The following PTPN9 variants were observed in gnomAD, a reference collection of about 807,000 sequenced individuals.
The protein encoded by PTPN9 is protein tyrosine phosphatase non-receptor type 9, also known as tyrosine-protein phosphatase non-receptor type 9.
A neutral mutation model predicts 69.8 loss-of-function variants in PTPN9; 26 were observed. The ratio of observed to expected loss-of-function variants is 0.37; its 90% confidence interval spans 0.27 to 0.52. PTPN9 has a LOEUF of 0.52. PTPN9 is among the 20% of genes least tolerant of loss of function. PTPN9 has a pLI of 0.91. For synonymous variants in PTPN9, 274 were observed against 272.5 expected, an observed-to-expected ratio of 1.01 and a Z score of -0.05; for missense variants, 549 against 740.3, an observed-to-expected ratio of 0.74 and a Z score of 3.00.
chr15:75,498,996 T>C (rs1245660740), intron 7 of PTPN9, among the ~76,000 whole-genome samples: 1 of 152,178 alleles, frequency 6.6e-6, no homozygotes, highest in Non-Finnish European at 1.5e-5. Flanking sequence ...TTTTGGAAGA[T>C]GTTATCATGG....
At chr15:75,511,449 T>C (rs1341130439) in intron 5 of PTPN9, among the ~76,000 whole-genome samples, 1 of 152,192 alleles carries the variant, frequency 6.6e-6, no homozygotes, top group Non-Finnish European at 1.5e-5. Context: ...TTTCATCGTG[T>C]TGCCCAGGCT....
chr15:75,550,014 C>A (rs2075050457), intron 1 of PTPN9, among the ~76,000 whole-genome samples: 1 of 151,586 alleles, frequency 6.6e-6, no homozygotes, highest in Non-Finnish European at 1.5e-5. Context: ...TTGATAAACT[C>A]CTTTTTCCGT....
chr15:75,498,076 A>G (rs981905067), intron 7 of PTPN9, among the ~76,000 whole-genome samples: 1 of 151,348 alleles, frequency 6.6e-6, no homozygotes, highest in African/African-American at 2.4e-5. Flanking sequence ...GGCACCTGTA[A>G]TCCCAGCTAC....
At chr15:75,476,270 A>C (rs531313645) in intron 9 of PTPN9, among the ~76,000 whole-genome samples, 1 of 152,358 alleles carries the variant, frequency 6.6e-6, no homozygotes, top group African/African-American at 2.4e-5. Context: ...CCATTAAATG[A>C]AACAAGAGAT....
rs1337267585 is a variant in PTPN9, at chr15:75,466,882, G to C, written c.*1887C>G. 1 of 152,256 alleles carries C rather than the reference G, an allele frequency of 6.6e-6. No homozygotes were observed. 9.4% of individuals were successfully genotyped at this position (152,256 alleles called of 1,614,324 possible). A position where few individuals can be genotyped will look rare whatever the true frequency, so the allele number is the denominator to read the frequency against. On this transcript the variant is annotated 3_prime_UTR_variant, in exon 13 of 13. Transcript: ENST00000618819. ...TGAATTGTTGTGAGGTTTGAATGAGGCAGGGTGGGGGAAAAGCACCTAGCA... is the reference window on the plus strand; with the variant it reads ...TGAATTGTTGTGAGGTTTGAATGAGCCAGGGTGGGGGAAAAGCACCTAGCA...
rs1039219196 is a variant in PTPN9 at position 75,468,166 on chromosome 15, T to G, written c.*603A>C. The G allele has an allele frequency of 2.0e-5, 3 of 152,836 alleles. No individual in the cohort carries two copies. The highest frequency in any genetic ancestry group is 7.2e-5 in the African/African-American group (3 of 41,432). The allele number at this position is 152,836 out of a possible 1,614,324, so 9.5% of individuals were successfully genotyped here. On this transcript the variant is annotated 3_prime_UTR_variant, in exon 13 of 13. Coordinates refer to ENST00000618819, the MANE Select transcript of PTPN9 (RefSeq NM_002833.4). The stretch of plus-strand genomic sequence containing the variant: ...GAAAGGAGTATCGTGTGTATATGTA[T>G]TTATAGAATACGATCATATTATCAC...
At chr15:75,540,310 T>C (rs1320817722) in intron 1 of PTPN9, among the ~76,000 whole-genome samples, 3 of 152,126 alleles carry the variant, frequency 2.0e-5, no homozygotes, top group African/African-American at 7.2e-5. Flanking sequence ...CCTGTAATCC[T>C]AGCACTTTGG....
chr15:75,530,512 TTATAA>T (rs1359233009), intron 1 of PTPN9, among the ~76,000 whole-genome samples: 32 of 85,124 alleles, frequency 3.8e-4, no homozygotes, highest in Non-Finnish European at 5.4e-4. Flanking sequence ...TTATAATATA[TTATAA>T]TATAATTTAT....
chr15:75,510,789 T>C (rs545734779), intron 5 of PTPN9, among the ~76,000 whole-genome samples: 1 of 152,294 alleles, frequency 6.6e-6, no homozygotes, highest in Admixed American at 6.5e-5. Flanking sequence ...ATGTTCACAA[T>C]GCAGCCATCA....
chr15:75,578,667 C>A, intron 1 of PTPN9, 47 bp downstream of exon 1: 1 of 1,317,794 alleles, frequency 7.6e-7, no homozygotes, highest in South Asian at 1.9e-5. Context: ...CGGCGTAGGC[C>A]TCGGGGGCCC....
Position 75,578,700 on chromosome 15 carries a change from T to G in PTPN9, c.63+14A>C. 7.3e-7 allele frequency: 1 copy of G among 1,368,490 alleles called. No homozygotes were observed. Among genetic ancestry groups the G allele is most frequent in the Non-Finnish European group, 9.5e-7 (1 of 1,058,148 alleles). 84.8% of individuals were successfully genotyped at this position (1,368,490 alleles called of 1,614,324 possible). ...CCCGGACACACCCAACGCGGCGGCCTCGGGCCCGCTTACCTGCTCCTCCTC... is the reference window on the plus strand; with the variant it reads ...CCCGGACACACCCAACGCGGCGGCCGCGGGCCCGCTTACCTGCTCCTCCTC... On this transcript the variant is annotated intron_variant, in intron 1 of 12. Transcript: ENST00000618819.
At chr15:75,504,691 G>A (rs1595955680) in intron 7 of PTPN9, among the ~76,000 whole-genome samples, 3 of 146,110 alleles carry the variant, frequency 2.1e-5, no homozygotes, top group East Asian at 2.1e-4. Flanking sequence ...AGGGAGGTGG[G>A]GGGGTCAGCC....
chr15:75,552,047 AAAAAAAG>A (rs911690434), intron 1 of PTPN9, among the ~76,000 whole-genome samples: 32 of 151,830 alleles, frequency 2.1e-4, no homozygotes, highest in African/African-American at 5.1e-4. Flanking sequence ...ATCTCAAAAA[AAAAAAAG>A]AAAAAAGAAA....
intron 7 of PTPN9, among the ~76,000 whole-genome samples, chr15:75,497,783 CA>C (rs2074750943): frequency 9.6e-6 from 1 of 103,788 alleles, no homozygotes. Context: ...GCCTGGGCAA[CA>C]AGAGCAAAAC....
At chr15:75,521,110 A>G (rs1037022050) in intron 4 of PTPN9, among the ~76,000 whole-genome samples, 1 of 151,564 alleles carries the variant, frequency 6.6e-6, no homozygotes, top group African/African-American at 2.4e-5. Context: ...CTGGCCTCCC[A>G]AAGTGTTGGG....
At chr15:75,492,480 T>C in intron 7 of PTPN9, among the ~76,000 whole-genome samples, 1 of 152,136 alleles carries the variant, frequency 6.6e-6, no homozygotes, top group East Asian at 1.9e-4. Flanking sequence ...AAAATGGGAA[T>C]AAAATGAAAA....
At chr15:75,570,464 A>G (rs1346445826) in intron 1 of PTPN9, 1 of 152,230 alleles carries the variant, frequency 6.6e-6, no homozygotes, top group Non-Finnish European at 1.5e-5. Context: ...GCTTTAAAAG[A>G]TTCCATTACA....
chr15:75,493,895 GT>G (rs2074724904), intron 7 of PTPN9, among the ~76,000 whole-genome samples: 2 of 152,244 alleles, frequency 1.3e-5, no homozygotes, highest in Admixed American at 1.3e-4. Flanking sequence ...CTGGAACACA[GT>G]CAAGCCCATT....
intron 7 of PTPN9, among the ~76,000 whole-genome samples, chr15:75,505,228 A>T (rs2074812041): frequency 6.7e-6 from 1 of 150,114 alleles, no homozygotes; most frequent in African/African-American, 2.5e-5. Flanking sequence ...GCGGTGCAAG[A>T]TGTGCTTTGT....
Sources: gnomAD v4.1 joint callset for allele counts (sites outside exome capture counted in the v4.1 genomes callset) on GRCh38, gnomAD v4.1.1 for gene constraint, MANE v1.5 for transcripts, NCBI Gene and HGNC (gene_info 2026-07-23, HGNC 2026-07-21) for gene names.